Variants in EEF1B2 observed in about 807,000 individuals in gnomAD.
EEF1B2 encodes elongation factor 1-beta.
In EEF1B2, 12 loss-of-function variants were observed where a neutral mutation model predicts 28.3. That is an observed-to-expected ratio of 0.42 (90% confidence interval 0.27 to 0.69). The LOEUF is 0.69. Among genes scored for constraint, EEF1B2 ranks in the 30% least tolerant of loss-of-function variants. The pLI, the probability that EEF1B2 is intolerant of heterozygous loss-of-function variation, is 0.22. For missense variants in EEF1B2, 234 were observed against 272.6 expected (o/e 0.86, Z 1.00); for synonymous variants, 83 against 99.9 (o/e 0.83, Z 1.01).
At chr2:206,160,761 A>G (rs1469318319) in intron 2 of EEF1B2, 51 bp downstream of exon 2, 2 of 1,613,372 alleles carry the variant, frequency 1.2e-6, no homozygotes, top group Non-Finnish European at 8.5e-7. Context: ...CTCGAAGTTT[A>G]TCAGGATGTT....
intron 4 of EEF1B2, 135 bp downstream of exon 4, chr2:206,162,239 C>T (rs769022552): frequency 9.2e-7 from 1 of 1,090,358 alleles, no homozygotes; most frequent in Admixed American, 1.7e-5. Flanking sequence ...TCCACAGCTA[C>T]TGGTCTGCAG....
Position 206,162,794 on chromosome 2 carries a change from A to G in EEF1B2, c.589A>G (p.Lys197Glu). ...AATACAGTGTGTAGTTGAAGATGATAAAGTTGGAACAGATATGCTGGAGGA... is the reference window on the plus strand; with the variant it reads ...AATACAGTGTGTAGTTGAAGATGATGAAGTTGGAACAGATATGCTGGAGGA... ...LQIQCVVEDD[K>E]VGTDMLEEQI... is the part of the protein sequence containing the mutation. The change falls in exon 6 of 6, where the codon AAA becomes GAA. Residue 197 changes from lysine to glutamate, a missense_variant. Physicochemically the swap from Lys to Glu is moderately conservative, Grantham distance 56 (BLOSUM62 1). This residue lies in a region of EEF1B2 where 56 missense variants were observed against 99.3 expected (regional missense o/e 0.56). Transcript: ENST00000392222. 26 of 1,610,638 alleles carry G rather than the reference A, an allele frequency of 1.6e-5. No homozygotes were observed. Among genetic ancestry groups the G allele is most frequent in the Non-Finnish European group, 2.2e-5 (26 of 1,179,978 alleles).
Position 206,161,499 on chromosome 2 carries a change from T to A in EEF1B2, c.330+27T>A, listed in dbSNP as rs201394655. ...TATGGCGTCTTCTATAAAGAACATA[T>A]CGGCCAGGCGCAGTGGCTCATGCCT... is the stretch of plus-strand genomic sequence containing the variant. On this transcript the variant is annotated intron_variant, in intron 3 of 5. Coordinates refer to ENST00000392222, the MANE Select transcript of EEF1B2 (RefSeq NM_001959.4). 22 of 1,611,870 alleles carry A rather than the reference T, an allele frequency of 1.4e-5. No homozygotes were observed. The East Asian group carries it at 4.2e-4, about 31-fold the overall frequency.
At chr2:206,159,712 T>A, upstream of EEF1B2, 1 of 352,110 alleles carries the variant, frequency 2.8e-6, no homozygotes, top group South Asian at 6.0e-5. Flanking sequence ...GCCTATTTTA[T>A]TAATTTACTT....
Position 206,160,046 on chromosome 2 carries a change from A to G in EEF1B2, c.67A>G (p.Ser23Gly). 2 of 1,612,814 alleles carry G rather than the reference A, an allele frequency of 1.2e-6. No homozygotes were observed. Among genetic ancestry groups the G allele is most frequent in the Non-Finnish European group, 1.7e-6 (2 of 1,179,532 alleles). ...QVLNDYLADK[S>G]YIEGYVPSQA... ...GCTCAACGATTACCTGGCGGACAAGAGCTACATCGAGGGGTGAGCGGACGG... is the reference window on the plus strand; with the variant it reads ...GCTCAACGATTACCTGGCGGACAAGGGCTACATCGAGGGGTGAGCGGACGG... The change falls in exon 1 of 6, where the codon AGC becomes GGC. Residue 23 changes from serine (S) to glycine (G), a missense_variant. By Grantham distance (56) the Ser-to-Gly change is moderately conservative. This residue lies in a region of EEF1B2 where 178 missense variants were observed against 173.3 expected (regional missense o/e 1.03). Coordinates refer to ENST00000392222, the MANE Select transcript of EEF1B2 (RefSeq NM_001959.4).
intron 5 of EEF1B2, 31 bp downstream of exon 5, chr2:206,162,645 AAACT>A (rs756725932): frequency 5.7e-6 from 9 of 1,589,392 alleles, no homozygotes; most frequent in Admixed American, 1.9e-5. Context: ...TTTTTTTTTG[AAACT>A]AACATCTGGA....
At chr2:206,161,191 CAT>C in intron 2 of EEF1B2, 153 bp from the exon 3 acceptor site, 2 of 959,046 alleles carry the variant, frequency 2.1e-6, no homozygotes, top group Non-Finnish European at 1.6e-6. Context: ...AGGAGTTGAA[CAT>C]ATGACAGTGT....
Position 206,160,186 on chromosome 2 carries a change from G to A in EEF1B2, c.80+127G>A. ...GGCCCGGGGCCCTTTCGAGAGGGAG[G>A]GGAAAGCGCCCCGTTGCCGTCTCCC... On this transcript the variant is annotated intron_variant, in intron 1 of 5. Coordinates refer to ENST00000392222, the MANE Select transcript of EEF1B2 (RefSeq NM_001959.4). The A allele has an allele frequency of 4.0e-6, 5 of 1,238,120 alleles. No individual in the cohort carries two copies. In the South Asian group the frequency reaches 7.4e-5, roughly 18 times the overall value. 76.7% of individuals were successfully genotyped at this position (1,238,120 alleles called of 1,614,324 possible). A position where few individuals can be genotyped will look rare whatever the true frequency, so the allele number is the denominator to read the frequency against.
At position 206,162,613 on chromosome 2, in the gene EEF1B2, A is replaced by C; in HGVS notation, c.522A>C (p.Ser174=). 3.1e-6 allele frequency: 5 copies of C among 1,608,090 alleles called. No individual in the cohort carries two copies. Among genetic ancestry groups the C allele is most frequent in the Non-Finnish European group, 4.2e-6 (5 of 1,178,628 alleles). ...SIQADGLVWG[S]SKLVPVGYGI... is the part of the protein sequence containing the mutation. ...AAGCAGACGGCTTAGTCTGGGGCTC[A>C]TGTGAGTTTAGGCTTTGCCTTTTTT... Residue 174 remains serine (S), a splice_region_variant and synonymous_variant, in exon 5 of 6, where the codon TCA becomes TCC. Coordinates refer to ENST00000392222, the MANE Select transcript of EEF1B2 (RefSeq NM_001959.4).
chr2:206,161,782 A>AT, intron 3 of EEF1B2: 2 of 626,844 alleles, frequency 3.2e-6, no homozygotes, highest in Non-Finnish European at 5.8e-6. Flanking sequence ...AAAAAAAAAA[A>AT]AGAATACATC....
intron 2 of EEF1B2, 37 bp from the exon 3 acceptor site, chr2:206,161,309 C>T (rs1384628397): frequency 6.2e-7 from 1 of 1,610,402 alleles, no homozygotes; most frequent in Non-Finnish European, 8.5e-7. Context: ...GGATGTTATA[C>T]TAGCTCAATA....
intron 4 of EEF1B2, 53 bp downstream of exon 4, chr2:206,162,157 A>C: frequency 6.4e-7 from 1 of 1,557,266 alleles, no homozygotes; most frequent in Non-Finnish European, 8.9e-7. Context: ...AATCTTTTTC[A>C]AAGCTTGACC....
rs898818496 is a variant in EEF1B2, at chr2:206,162,835, T to A, written c.630T>A (p.Phe210Leu). Residue 210 changes from phenylalanine to leucine, a missense_variant, in exon 6 of 6, where the codon TTT (phenylalanine) becomes TTA (leucine). By Grantham distance (22) the Phe-to-Leu change is conservative. Transcript: ENST00000392222. Reference protein sequence around the residue: ...TDMLEEQITAFEDYVQSMDVA... With the variant: ...TDMLEEQITALEDYVQSMDVA... ...TGCTGGAGGAGCAGATCACTGCTTT[T>A]GAGGACTATGTGCAGTCCATGGATG... 6.2e-7 allele frequency: 1 copy of A among 1,603,160 alleles called. No individual in the cohort carries two copies. The highest frequency in any genetic ancestry group is 8.5e-7 in the Non-Finnish European group (1 of 1,179,782).
At position 206,160,018 on chromosome 2, in the gene EEF1B2, G is replaced by A; in HGVS notation, c.39G>A (p.Gln13=). 6.2e-7 allele frequency: 1 copy of A among 1,613,358 alleles called. No homozygotes were observed. Among genetic ancestry groups the A allele is most frequent in the Non-Finnish European group, 8.5e-7 (1 of 1,179,766 alleles). Residue 13 remains glutamine, a synonymous_variant, in exon 1 of 6, where the codon CAG becomes CAA. Transcript: ENST00000392222. ...FGDLKSPAGL[Q]VLNDYLADKS... Reference sequence around the variant, plus strand: ...ACCTGAAAAGCCCTGCCGGCCTCCAGGTGCTCAACGATTACCTGGCGGACA... The same window carrying A: ...ACCTGAAAAGCCCTGCCGGCCTCCAAGTGCTCAACGATTACCTGGCGGACA...
intron 3 of EEF1B2, 116 bp downstream of exon 3, chr2:206,161,588 C>T (rs1157083650): frequency 2.2e-6 from 3 of 1,361,632 alleles, no homozygotes; most frequent in Non-Finnish European, 3.1e-6. Context: ...GAAGACCAGC[C>T]TGGCCAAGAT....
chr2:206,159,785 T>A (rs931796988), upstream of EEF1B2: 1 of 551,942 alleles, frequency 1.8e-6, no homozygotes, highest in Non-Finnish European at 3.2e-6. Flanking sequence ...CCCCAATTCG[T>A]ACGTGGAGAA....
chr2:206,159,862 C>T (rs1205066800), upstream of EEF1B2: 4 of 1,175,572 alleles, frequency 3.4e-6, no homozygotes, highest in Non-Finnish European at 4.8e-6. Flanking sequence ...ACGCCTCCGT[C>T]TCTATATAAG....
intron 5 of EEF1B2, 51 bp from the exon 6 acceptor site, chr2:206,162,678 C>G (rs1687968948): frequency 6.4e-7 from 1 of 1,562,700 alleles, no homozygotes; most frequent in African/African-American, 1.9e-5. Context: ...ACAGTTTCAA[C>G]CTTTCCTACA....
Position 206,162,483 on chromosome 2 carries a change from T to A in EEF1B2, c.398-6T>A. The A allele has an allele frequency of 1.9e-6, 3 of 1,612,226 alleles. No individual in the cohort carries two copies. The highest frequency in any genetic ancestry group is 2.5e-6 in the Non-Finnish European group (3 of 1,179,726). On this transcript the variant is annotated splice_region_variant and splice_polypyrimidine_tract_variant and intron_variant, in intron 4 of 5. Transcript: ENST00000392222. Reference sequence around the variant, plus strand: ...TTATTTGAATAATGCTGTTTATTGTTTTTAGAACCTGCACTTGTTGCCAAG... The same window carrying A: ...TTATTTGAATAATGCTGTTTATTGTATTTAGAACCTGCACTTGTTGCCAAG...
Sources: gnomAD v4.1 joint callset for allele counts on GRCh38, gnomAD v4.1.1 for gene constraint, gnomAD v4.1.1 regional missense constraint, MANE v1.5 for transcripts, NCBI Gene and HGNC (gene_info 2026-07-23, HGNC 2026-07-21) for gene names.